Variants in ABCB1 observed in about 807,000 individuals in gnomAD.
ABCB1 encodes ATP-dependent translocase ABCB1.
In ABCB1, 69 loss-of-function variants were observed where a neutral mutation model predicts 142.0. That is an observed-to-expected ratio of 0.49 (90% CI 0.40 to 0.59). ABCB1 has a LOEUF of 0.59. ABCB1 is among the 20% of genes least tolerant of loss of function. ABCB1 has a pLI of 0.00. For synonymous variants in ABCB1, 532 were observed against 539.2 expected (o/e 0.99, Z 0.18); for missense variants, 1,326 against 1,554.7 (o/e 0.85, Z 2.47).
At chr7:87,663,452 C>T (rs991665344) in intron 1 of ABCB1, among the ~76,000 whole-genome samples, 18 of 151,960 alleles carry the variant, frequency 1.2e-4, no homozygotes, top group African/African-American at 4.3e-4. Context: ...TTTCTTCTAC[C>T]GCTACTATGT....
intron 5 of ABCB1, among the ~76,000 whole-genome samples, chr7:87,569,692 G>C (rs193293386): frequency 6.6e-6 from 1 of 151,584 alleles, no homozygotes; most frequent in Non-Finnish European, 1.5e-5. Flanking sequence ...CTCTTTTTTT[G>C]TGGGGGGGTG....
At chr7:87,641,140 G>A (rs956624321) in intron 1 of ABCB1, among the ~76,000 whole-genome samples, 58 of 151,838 alleles carry the variant, frequency 3.8e-4, no homozygotes, top group African/African-American at 1.3e-3. Context: ...TAATACTTTT[G>A]TTGTTCTTTT....
chr7:87,642,652 T>G (rs368731442), intron 1 of ABCB1, among the ~76,000 whole-genome samples: 2 of 152,000 alleles, frequency 1.3e-5, no homozygotes, highest in South Asian at 4.1e-4. Context: ...TTATTATACT[T>G]GAAGTTCTAG....
intron 1 of ABCB1, among the ~76,000 whole-genome samples, chr7:87,701,091 A>C (rs1345084040): frequency 2.0e-5 from 3 of 152,250 alleles, no homozygotes; most frequent in Admixed American, 2.0e-4. Flanking sequence ...GGAAGTATGC[A>C]TAAAGCATTT....
chr7:87,504,466 T>G lies in ABCB1; in HGVS notation c.3637-17A>C. On this transcript the variant is annotated splice_polypyrimidine_tract_variant and intron_variant, in intron 27 of 27. Transcript: ENST00000622132. ...TTGGACAACCTATTCCATAATCACA[T>G]AGATTAATTCTCATAATAGTTCTTT... 1.2e-6 allele frequency: 2 copies of G among 1,613,828 alleles called. No homozygotes were observed. The highest frequency in any genetic ancestry group is 1.7e-6 in the Non-Finnish European group (2 of 1,179,844).
chr7:87,527,894 A>C (rs940657529), intron 21 of ABCB1, among the ~76,000 whole-genome samples: 2 of 152,204 alleles, frequency 1.3e-5, no homozygotes, highest in Non-Finnish European at 2.9e-5. Flanking sequence ...TAATAAAGAC[A>C]TGCCCAAGAT....
chr7:87,529,879 C>T (rs1323934847), intron 21 of ABCB1, among the ~76,000 whole-genome samples: 1 of 152,216 alleles, frequency 6.6e-6, no homozygotes, highest in Non-Finnish European at 1.5e-5. Context: ...AGCCAGACCA[C>T]AATAGAACCC....
rs188774980 is a variant in ABCB1 at position 87,527,893 on chromosome 7, C to A, written c.2685+3401G>T. ...TCTGTTCTCATGCTGCTAATAAAGACATGCCCAAGATTGGGTAATTTATAA... is the reference window on the plus strand; with the variant it reads ...TCTGTTCTCATGCTGCTAATAAAGAAATGCCCAAGATTGGGTAATTTATAA... On this transcript the variant is annotated intron_variant, in intron 21 of 27. Coordinates refer to ENST00000622132, the MANE Select transcript of ABCB1 (RefSeq NM_001348946.2). Among the ~76,000 whole-genome samples the A allele has an allele frequency of 4.2e-4, 64 of 152,236 alleles. No homozygotes were observed. In the East Asian group the frequency reaches 5.6e-3, roughly 13 times the overall value.
Position 87,516,538 on chromosome 7 carries a change from C to T in ABCB1, c.3055G>A (p.Asp1019Asn), listed in dbSNP as rs772778438. 8 of 1,614,128 alleles carry T rather than the reference C, an allele frequency of 5.0e-6. No homozygotes were observed. In the South Asian group the frequency reaches 8.8e-5, roughly 18 times the overall value. The change falls in exon 24 of 28, where the codon GAC becomes AAC. Residue 1019 changes from aspartate to asparagine, a missense_variant. Asp to Asn is a conservative substitution (Grantham distance 23). Coordinates refer to ENST00000622132, the MANE Select transcript of ABCB1 (RefSeq NM_001348946.2). ...IMIIEKTPLI[D>N]SYSTEGLMPN... The stretch of plus-strand genomic sequence containing the variant: ...ATTAGGCCTTCCGTGCTGTAGCTGT[C>T]AATCAAAGGGGTTTTTTCAATGATC...
Position 87,549,733 on chromosome 7 carries a change from C to T in ABCB1, c.1554+118G>A, listed in dbSNP as rs1563047379. 5 of 1,386,898 alleles carry T rather than the reference C, an allele frequency of 3.6e-6. No individual in the cohort carries two copies. The East Asian group carries it at 1.1e-4, about 32-fold the overall frequency. 85.9% of individuals were successfully genotyped at this position (1,386,898 alleles called of 1,614,324 possible). A position where few individuals can be genotyped will look rare whatever the true frequency, so the allele number is the denominator to read the frequency against. On this transcript the variant is annotated intron_variant, in intron 13 of 27. Coordinates refer to ENST00000622132, the MANE Select transcript of ABCB1 (RefSeq NM_001348946.2). ...AGCTTTCAAATCTGAAGTAATCTTA[C>T]TTTCCCTTCTTAGGATTTCCCTTCT...
At chr7:87,655,792 C>T (rs146458356) in intron 1 of ABCB1, among the ~76,000 whole-genome samples, 3 of 152,206 alleles carry the variant, frequency 2.0e-5, no homozygotes, top group African/African-American at 7.2e-5. Context: ...AACTTAACCC[C>T]CTGTCCAACA....
intron 1 of ABCB1, among the ~76,000 whole-genome samples, chr7:87,642,402 A>T (rs1054994443): frequency 6.6e-5 from 10 of 152,140 alleles, no homozygotes; most frequent in African/African-American, 2.2e-4. Context: ...ATGTTAAAGT[A>T]TTCTATTTGA....
At chr7:87,544,557 T>C (rs1816689414) in intron 16 of ABCB1, among the ~76,000 whole-genome samples, 1 of 152,234 alleles carries the variant, frequency 6.6e-6, no homozygotes, top group Admixed American at 6.5e-5. Flanking sequence ...AGAGTATTTA[T>C]AAGCAGGAGT....
At chr7:87,655,468 A>G (rs936364307) in intron 1 of ABCB1, among the ~76,000 whole-genome samples, 1 of 152,160 alleles carries the variant, frequency 6.6e-6, no homozygotes, top group African/African-American at 2.4e-5. Context: ...TAAACCAGAC[A>G]CTTAAAGACA....
At chr7:87,584,462 C>T (rs911843062) in intron 4 of ABCB1, among the ~76,000 whole-genome samples, 1 of 152,116 alleles carries the variant, frequency 6.6e-6, no homozygotes, top group African/African-American at 2.4e-5. Flanking sequence ...TTGAGTAGCT[C>T]AGTTTAAATC....
chr7:87,640,510 A>T (rs558430310), intron 1 of ABCB1, among the ~76,000 whole-genome samples: 32 of 149,580 alleles, frequency 2.1e-4, no homozygotes, highest in Middle Eastern at 7.0e-3. Flanking sequence ...CACCCAGCTA[A>T]TTTTTTTTTT....
At chr7:87,619,764 G>GTATA (rs57670669) in intron 1 of ABCB1, among the ~76,000 whole-genome samples, 17 of 147,248 alleles carry the variant, frequency 1.2e-4, no homozygotes, top group African/African-American at 3.8e-4. Context: ...GTGTGTGTGT[G>GTATA]TATATATATA....
chr7:87,530,745 C>T (rs537775425), intron 21 of ABCB1, among the ~76,000 whole-genome samples: 38 of 150,714 alleles, frequency 2.5e-4, no homozygotes, highest in Non-Finnish European at 3.2e-4. Flanking sequence ...ATAAAATGGG[C>T]TTACTTTCCT....
chr7:87,521,048 G>A, intron 21 of ABCB1, 172 bp from the exon 22 acceptor site: 1 of 608,088 alleles, frequency 1.6e-6, no homozygotes, highest in Non-Finnish European at 2.9e-6. Context: ...CTGAGTTATG[G>A]ATCTGGAAGG....
Sources: allele counts gnomAD v4.1 joint callset (sites outside exome capture counted in the v4.1 genomes callset), GRCh38; gene constraint gnomAD v4.1.1; transcripts MANE v1.5; gene names NCBI Gene and HGNC (gene_info 2026-07-23, HGNC 2026-07-21).